Variants in MAML2 observed in about 807,000 individuals in gnomAD.
MAML2 encodes mastermind like transcriptional coactivator 2.
Under a neutral mutation model 96.1 loss-of-function variants are expected in MAML2, and 22 were observed. That is an observed-to-expected ratio of 0.23 (90% CI 0.16 to 0.33). The LOEUF (loss-of-function observed/expected upper bound fraction) is 0.33, where lower values mean the gene tolerates loss of function less well. Ranked by LOEUF, MAML2 falls within the 10% of genes least tolerant of loss-of-function variation. MAML2 has a pLI of 1.00. For missense variants in MAML2, 1,367 were observed against 1,392.4 expected (o/e 0.98, Z 0.29); for synonymous variants, 561 against 521.3 (o/e 1.08, Z -1.04).
At position 96,342,032 on chromosome 11, in the gene MAML2, T is replaced by G; in HGVS notation, c.-137A>C. ...CATGAATAGAGGTCTTCAGAGGTTG[T>G]GGGGGAGCCGTGGAGAAGTTGTGGG... On this transcript the variant is annotated 5_prime_UTR_variant, in exon 1 of 5. Coordinates refer to ENST00000524717, the MANE Select transcript of MAML2 (RefSeq NM_032427.4). 25 of 790,700 alleles carry G rather than the reference T, an allele frequency of 3.2e-5. No individual in the cohort carries two copies. The highest frequency in any genetic ancestry group is 4.7e-5 in the South Asian group (2 of 42,992). 49.0% of individuals were successfully genotyped at this position (790,700 alleles called of 1,614,324 possible).
chr11:96,026,177 A>G (rs140487321), intron 2 of MAML2, among the ~76,000 whole-genome samples: 1 of 152,346 alleles, frequency 6.6e-6, no homozygotes, highest in Non-Finnish European at 1.5e-5. Flanking sequence ...CAAACTGTTC[A>G]TTTATCAGTC....
intron 1 of MAML2, among the ~76,000 whole-genome samples, chr11:96,105,333 C>T (rs1860005216): frequency 6.6e-6 from 1 of 152,208 alleles, no homozygotes; most frequent in South Asian, 2.1e-4. Context: ...CTGGAGATTA[C>T]ATCTCCACCA....
chr11:96,077,599 T>G (rs1222340718), intron 2 of MAML2, among the ~76,000 whole-genome samples: 2 of 152,208 alleles, frequency 1.3e-5, no homozygotes, highest in Non-Finnish European at 2.9e-5. Flanking sequence ...GGTCGAAACT[T>G]TATTTTAGGA....
intron 1 of MAML2, among the ~76,000 whole-genome samples, chr11:96,176,553 T>C (rs1381970875): frequency 1.3e-5 from 2 of 152,110 alleles, no homozygotes; most frequent in African/African-American, 4.8e-5. Flanking sequence ...CACAGAGTCT[T>C]CTTGCCACTC....
At chr11:96,288,707 T>C (rs922077620) in intron 1 of MAML2, among the ~76,000 whole-genome samples, 40 of 152,218 alleles carry the variant, frequency 2.6e-4, no homozygotes, top group Non-Finnish European at 1.3e-4. Flanking sequence ...AATTAAGGTA[T>C]AAAGCTGGTA....
At chr11:96,199,288 C>G (rs1359903521) in intron 1 of MAML2, among the ~76,000 whole-genome samples, 1 of 151,290 alleles carries the variant, frequency 6.6e-6, no homozygotes, top group African/African-American at 2.4e-5. Flanking sequence ...GGACCACTAG[C>G]AGCCATCTTG....
chr11:96,035,166 T>C (rs1169925249), intron 2 of MAML2, among the ~76,000 whole-genome samples: 1 of 152,158 alleles, frequency 6.6e-6, no homozygotes, highest in Non-Finnish European at 1.5e-5. Context: ...TCTGGAATTG[T>C]GTGGTACCCT....
At chr11:96,153,940 AATAAATAAATAT>A (rs1429064846) in intron 1 of MAML2, among the ~76,000 whole-genome samples, 5 of 107,330 alleles carry the variant, frequency 4.7e-5, no homozygotes, top group South Asian at 3.4e-4. Flanking sequence ...TAAATAAATA[AATAAATAAATAT>A]GATAAAACAA....
chr11:96,079,733 G>A (rs1258875299), intron 2 of MAML2, among the ~76,000 whole-genome samples: 1 of 152,188 alleles, frequency 6.6e-6, no homozygotes, highest in Admixed American at 6.5e-5. Flanking sequence ...GCGACCATCA[G>A]ATGAAATGCA....
At chr11:96,175,183 T>G (rs1176861063) in intron 1 of MAML2, among the ~76,000 whole-genome samples, 1 of 152,220 alleles carries the variant, frequency 6.6e-6, no homozygotes, top group Non-Finnish European at 1.5e-5. Flanking sequence ...CTTCCTCTAC[T>G]GCTTATTTTG....
In MAML2 at chr11:96,092,932, C is replaced by T. The variant is rs758711679; in HGVS notation, c.1099G>A (p.Glu367Lys). 26 of 1,609,940 alleles carry T rather than the reference C, an allele frequency of 1.6e-5. No individual in the cohort carries two copies. The East Asian group carries it at 5.4e-4, about 33-fold the overall frequency. ...CCCTGAGTCAAGCCCGGTGAGTATT[C>T]ACTTTTGATCACTATTTTCTCCATG... ...LPMEKIVIKS[E>K]YSPGLTQGPS... The change falls in exon 2 of 5, where the codon GAA becomes AAA. Residue 367 changes from glutamate (E) to lysine (K), a missense_variant. Coordinates refer to ENST00000524717, the MANE Select transcript of MAML2 (RefSeq NM_032427.4). This position sits in a 1 kb window ranked among gnomAD's most constrained non-coding sequence, Gnocchi z 4.1.
chr11:96,064,089 A>G lies in MAML2; in HGVS notation c.2139+27803T>C, dbSNP rs149772127. On this transcript the variant is annotated intron_variant, in intron 2 of 4. Transcript: ENST00000524717. ...TCTAACTCTATTTTCCTGAAGATAC[A>G]TGATTCAGTGTAATGCCAGGTTAGT... is the stretch of plus-strand genomic sequence containing the variant. Among the ~76,000 whole-genome samples, 556 of 152,336 alleles carry G rather than the reference A, an allele frequency of 3.6e-3. 5 individuals are homozygous for G. The highest frequency in any genetic ancestry group is 0.012 in the African/African-American group (512 of 41,578).
intron 4 of MAML2, among the ~76,000 whole-genome samples, chr11:95,983,097 T>C (rs1180976160): frequency 1.3e-5 from 2 of 152,164 alleles, no homozygotes; most frequent in East Asian, 1.9e-4. Flanking sequence ...TCAGGAGATA[T>C]TCCAGAAGAA....
intron 1 of MAML2, among the ~76,000 whole-genome samples, chr11:96,253,366 C>T (rs1862613221): frequency 6.6e-6 from 1 of 152,208 alleles, no homozygotes; most frequent in Non-Finnish European, 1.5e-5. Context: ...TTAAATTGAT[C>T]TTGGAATCCA....
intron 1 of MAML2, among the ~76,000 whole-genome samples, chr11:96,104,518 G>A (rs188390148): frequency 6.6e-6 from 1 of 152,262 alleles, no homozygotes; most frequent in Admixed American, 6.5e-5. Context: ...TTTCCTAGTA[G>A]AGGGAGCCTG....
At chr11:96,127,758 C>T (rs1860472637) in intron 1 of MAML2, among the ~76,000 whole-genome samples, 1 of 152,136 alleles carries the variant, frequency 6.6e-6, no homozygotes, top group South Asian at 2.1e-4. Flanking sequence ...ATTGTTCTTC[C>T]TCCAGGGGCA....
intron 1 of MAML2, among the ~76,000 whole-genome samples, chr11:96,250,829 T>G (rs1472906469): frequency 6.6e-6 from 1 of 152,168 alleles, no homozygotes; most frequent in Non-Finnish European, 1.5e-5. Context: ...AGTAACTTAT[T>G]TGGTGATAAT....
At chr11:96,251,638 A>G (rs1862582447) in intron 1 of MAML2, among the ~76,000 whole-genome samples, 1 of 151,984 alleles carries the variant, frequency 6.6e-6, no homozygotes, top group African/African-American at 2.4e-5. Context: ...ATCCCTTTTA[A>G]TTTTCCAAAC....
intron 1 of MAML2, among the ~76,000 whole-genome samples, chr11:96,121,685 G>A (rs1323390460): frequency 6.7e-6 from 1 of 149,536 alleles, no homozygotes; most frequent in Non-Finnish European, 1.5e-5. Flanking sequence ...ATTCTTTTTC[G>A]CAACATAAAG....
Sources: allele counts gnomAD v4.1 joint callset (sites outside exome capture counted in the v4.1 genomes callset), GRCh38; gene constraint gnomAD v4.1.1; non-coding constraint Gnocchi (gnomAD v3.1); transcripts MANE v1.5; gene names NCBI Gene and HGNC (gene_info 2026-07-23, HGNC 2026-07-21).